Variants in SCRN1 observed in about 807,000 individuals in gnomAD.
SCRN1 encodes secernin-1.
SCRN1 carries 19 observed loss-of-function variants against 43.3 expected under a neutral mutation model. The ratio of observed to expected loss-of-function variants is 0.44; its 90% CI spans 0.31 to 0.64. The LOEUF (loss-of-function observed/expected upper bound fraction) is 0.64, where lower values mean the gene tolerates loss of function less well. SCRN1 is among the 30% of genes least tolerant of loss of function. SCRN1 has a pLI of 0.09. For missense variants in SCRN1, 447 were observed against 524.1 expected (o/e 0.85, Z 1.44); for synonymous variants, 183 against 188.9 (o/e 0.97, Z 0.26).
chr7:29,924,263 T>G, intron 7 of SCRN1, 148 bp from the exon 8 acceptor site: 1 of 723,162 alleles, frequency 1.4e-6, no homozygotes, highest in Non-Finnish European at 2.2e-6. Context: ...CCGCAGGGAT[T>G]GTTCTAGAAT....
chr7:29,964,263 T>C (rs186520452), intron 2 of SCRN1, among the ~76,000 whole-genome samples: 2 of 152,298 alleles, frequency 1.3e-5, no homozygotes, highest in Admixed American at 6.5e-5. Context: ...TAGAATCAAC[T>C]AAGATGTCCT....
In SCRN1 at chr7:29,950,771, C is replaced by T. The variant is rs922702434; in HGVS notation, c.341+4408G>A. ...TGCAGCAGAAGGGAGCTACCCACTA[C>T]AGGTCTCCTCTCTGCTGAGAGCTGG... On this transcript the variant is annotated intron_variant, in intron 3 of 7. Coordinates refer to ENST00000242059, the MANE Select transcript of SCRN1 (RefSeq NM_014766.5). This position sits in a 1 kb window ranked among gnomAD's most constrained non-coding sequence, Gnocchi z 4.5. 2.0e-5 allele frequency among the ~76,000 whole-genome samples: 3 copies of T among 152,144 alleles called. No individual in the cohort carries two copies. The highest frequency in any genetic ancestry group is 4.8e-5 in the African/African-American group (2 of 41,438).
At position 29,965,075 on chromosome 7, in the gene SCRN1, C is replaced by G. The variant is rs147278551; in HGVS notation, c.159+3834G>C. Among the ~76,000 whole-genome samples the G allele has an allele frequency of 4.1e-4, 62 of 152,218 alleles. No homozygotes were observed. Among genetic ancestry groups the G allele is most frequent in the African/African-American group, 1.4e-3 (58 of 41,536 alleles). ...CAGGGTAAGGGGCTGTTTGGGAACT[C>G]TCTGTGCCTTCTGTTCATTTTTCTG... On this transcript the variant is annotated intron_variant, in intron 2 of 7. Coordinates refer to ENST00000242059, the MANE Select transcript of SCRN1 (RefSeq NM_014766.5). This position sits in a 1 kb window ranked among gnomAD's most constrained non-coding sequence, Gnocchi z 4.2.
intron 1 of SCRN1, chr7:29,969,275 C>T (rs1007323311): frequency 3.3e-5 from 19 of 580,188 alleles, no homozygotes; most frequent in African/African-American, 2.4e-4. Context: ...GTTTAATACT[C>T]TGTGGGATTA....
chr7:29,934,482 G>A (rs376637278), intron 6 of SCRN1, among the ~76,000 whole-genome samples: 3 of 152,170 alleles, frequency 2.0e-5, no homozygotes, highest in African/African-American at 7.2e-5. Context: ...ACTTCGCAGA[G>A]CATTCCAGAC....
intron 2 of SCRN1, among the ~76,000 whole-genome samples, chr7:29,961,063 T>C (rs999948613): frequency 2.0e-5 from 3 of 150,832 alleles, no homozygotes; most frequent in Non-Finnish European, 4.4e-5. Context: ...TATTTCTTTT[T>C]TTTTTTTTTT....
chr7:29,986,000 C>T (rs941439409), intron 1 of SCRN1, among the ~76,000 whole-genome samples: 1 of 152,180 alleles, frequency 6.6e-6, no homozygotes, highest in Non-Finnish European at 1.5e-5. Context: ...TTTGGGAGGC[C>T]GAGGCGGGCA....
chr7:29,968,328 G>C (rs77069510), intron 2 of SCRN1, among the ~76,000 whole-genome samples: 2,860 of 152,178 alleles, frequency 0.019, 38 homozygotes, highest in East Asian at 0.041. Flanking sequence ...GTACCGTAGG[G>C]AGTGATCTCC....
intron 4 of SCRN1, among the ~76,000 whole-genome samples, chr7:29,942,195 A>C (rs2128090278): frequency 6.6e-6 from 1 of 152,358 alleles, no homozygotes; most frequent in African/African-American, 2.4e-5. Flanking sequence ...TACTCTTGTA[A>C]GCAACTCTAC....
In SCRN1 at chr7:29,969,001, C is replaced by A. The variant is rs749492178; in HGVS notation, c.67G>T (p.Val23Leu). ...GGCCGGGCTGAATTTTTCCCAAATA[C>A]CACCAGACCATCCTTAGCACGTGGA... Reference protein sequence around the residue: ...FPPRAKDGLVVFGKNSARPRD... With the variant: ...FPPRAKDGLVLFGKNSARPRD... The change falls in exon 2 of 8, where the codon GTA becomes TTA. Residue 23 changes from valine (V) to leucine (L), a missense_variant. Physicochemically the swap from Val to Leu is conservative, Grantham distance 32 (BLOSUM62 1). Coordinates refer to ENST00000242059, the MANE Select transcript of SCRN1 (RefSeq NM_014766.5). The A allele has an allele frequency of 1.9e-6, 3 of 1,614,064 alleles. No individual in the cohort carries two copies. The highest frequency in any genetic ancestry group is 2.5e-6 in the Non-Finnish European group (3 of 1,179,998).
intron 2 of SCRN1, among the ~76,000 whole-genome samples, chr7:29,964,113 C>T (rs1052563937): frequency 3.3e-5 from 5 of 152,064 alleles, no homozygotes; most frequent in African/African-American, 1.2e-4. Context: ...AATCTTTGAA[C>T]CACATAAATA....
intron 2 of SCRN1, among the ~76,000 whole-genome samples, chr7:29,962,341 T>A (rs1350087759): frequency 6.6e-6 from 1 of 150,848 alleles, no homozygotes; most frequent in African/African-American, 2.4e-5. Context: ...TCCTGGGACC[T>A]CAACACTCAA....
chr7:29,924,265 T>C (rs2128085124), intron 7 of SCRN1, 150 bp from the exon 8 acceptor site: 1 of 726,674 alleles, frequency 1.4e-6, no homozygotes, highest in Non-Finnish European at 2.2e-6. Flanking sequence ...GCAGGGATTG[T>C]TCTAGAATGC....
intron 2 of SCRN1, among the ~76,000 whole-genome samples, chr7:29,957,692 G>C (rs1429791323): frequency 1.3e-5 from 2 of 152,180 alleles, no homozygotes; most frequent in African/African-American, 4.8e-5. Context: ...AAAGTCCAAA[G>C]AAATGAGGAA....
At chr7:29,975,635 A>G (rs11979295) in intron 1 of SCRN1, among the ~76,000 whole-genome samples, 82 of 152,244 alleles carry the variant, frequency 5.4e-4, no homozygotes, top group African/African-American at 1.9e-3. Context: ...ATAAGCGTCT[A>G]TAGGTACTAT....
chr7:29,934,578 G>C (rs890362081), intron 6 of SCRN1, among the ~76,000 whole-genome samples: 1 of 152,202 alleles, frequency 6.6e-6, no homozygotes, highest in African/African-American at 2.4e-5. Context: ...ACCAGCATTA[G>C]GGGAGCAAAC....
chr7:29,947,819 T>A (rs1330132091), intron 3 of SCRN1, among the ~76,000 whole-genome samples: 1 of 152,172 alleles, frequency 6.6e-6, no homozygotes, highest in African/African-American at 2.4e-5. Flanking sequence ...ATGATGGGAT[T>A]AGTGCCCTTA....
intron 4 of SCRN1, among the ~76,000 whole-genome samples, chr7:29,942,747 C>T (rs902273687): frequency 2.0e-5 from 3 of 152,050 alleles, no homozygotes; most frequent in Non-Finnish European, 2.9e-5. Flanking sequence ...TGATTGCTGA[C>T]GGACACCACT....
intron 2 of SCRN1, among the ~76,000 whole-genome samples, chr7:29,958,025 T>G (rs1221579325): frequency 6.6e-6 from 1 of 152,086 alleles, no homozygotes; most frequent in Non-Finnish European, 1.5e-5. Flanking sequence ...CAGGCCAAAC[T>G]CGGAATGGTG....
Sources: gnomAD v4.1 joint callset for allele counts (sites outside exome capture counted in the v4.1 genomes callset) on GRCh38, gnomAD v4.1.1 for gene constraint, Gnocchi (gnomAD v3.1) non-coding constraint, MANE v1.5 for transcripts, NCBI Gene and HGNC (gene_info 2026-07-23, HGNC 2026-07-21) for gene names.